ZNF438: variants seen among roughly 807,000 people sequenced by gnomAD.
ZNF438 encodes zinc finger protein 438.
In ZNF438, 25 loss-of-function variants were observed where a neutral mutation model predicts 38.0. That is an observed-to-expected ratio of 0.66 (90% CI 0.48 to 0.92). The LOEUF (loss-of-function observed/expected upper bound fraction) is 0.92. Ranked by LOEUF, ZNF438 falls within the 40% of genes least tolerant of loss-of-function variation. ZNF438 has a pLI of 0.00. For synonymous variants in ZNF438, 372 were observed against 364.1 expected, an observed-to-expected ratio of 1.02 and a Z score of -0.25; for missense variants, 1,007 against 999.6, an observed-to-expected ratio of 1.01 and a Z score of -0.10.
chr10:30,899,224 A>C (rs2041708625), intron 3 of ZNF438, among the ~76,000 whole-genome samples: 1 of 152,200 alleles, frequency 6.6e-6, no homozygotes, highest in African/African-American at 2.4e-5. Flanking sequence ...TGAATGGTAT[A>C]AACTTTAAAA....
At chr10:30,896,225 G>C (rs970392974) in intron 3 of ZNF438, among the ~76,000 whole-genome samples, 1 of 151,362 alleles carries the variant, frequency 6.6e-6, no homozygotes, top group African/African-American at 2.4e-5. Flanking sequence ...GAACCTGGGA[G>C]GCAGAGCTTG....
intron 1 of ZNF438, among the ~76,000 whole-genome samples, chr10:30,966,002 T>C (rs191937125): frequency 2.6e-5 from 4 of 151,738 alleles, no homozygotes; most frequent in Non-Finnish European, 4.4e-5. Flanking sequence ...GTAAAAAAAA[T>C]AGAATCTACA....
At chr10:30,928,321 T>C (rs1162149257) in intron 2 of ZNF438, among the ~76,000 whole-genome samples, 1 of 152,184 alleles carries the variant, frequency 6.6e-6, no homozygotes, top group African/African-American at 2.4e-5. Flanking sequence ...AATTAAAATC[T>C]GAAAAATATG....
intron 1 of ZNF438, among the ~76,000 whole-genome samples, chr10:30,966,070 C>T (rs879632577): frequency 2.6e-5 from 4 of 152,150 alleles, no homozygotes; most frequent in Non-Finnish European, 5.9e-5. Flanking sequence ...AAACCCACTG[C>T]CTAAAATTAC....
chr10:30,910,658 G>C (rs1367222352), intron 2 of ZNF438, among the ~76,000 whole-genome samples: 1 of 117,296 alleles, frequency 8.5e-6, no homozygotes, highest in East Asian at 2.7e-4. Flanking sequence ...CACTGCTTTA[G>C]ACGAATCTTT....
Position 30,948,241 on chromosome 10 carries a change from C to A in ZNF438, c.-191-6590G>T, listed in dbSNP as rs188117261. On this transcript the variant is annotated intron_variant, in intron 1 of 5. Transcript: ENST00000413025. ...ACAGAAAAGACATCCCCACCAAAAA[C>A]CCATCTGTACATCACCATCATCAAA... is the stretch of plus-strand genomic sequence containing the variant. Among the ~76,000 whole-genome samples the A allele has an allele frequency of 9.3e-3, 1,421 of 152,256 alleles. 20 individuals are homozygous for A. Among genetic ancestry groups the A allele is most frequent in the African/African-American group, 0.032 (1,318 of 41,542 alleles).
chr10:30,927,171 T>C (rs2045047790), intron 2 of ZNF438, among the ~76,000 whole-genome samples: 1 of 152,184 alleles, frequency 6.6e-6, no homozygotes, highest in Admixed American at 6.5e-5. Flanking sequence ...ACTCCAATGC[T>C]AGCACATGTT....
intron 1 of ZNF438, among the ~76,000 whole-genome samples, chr10:31,029,418 G>A (rs947004468): frequency 1.3e-5 from 2 of 152,166 alleles, no homozygotes; most frequent in African/African-American, 4.8e-5. Context: ...TCAGTAAACA[G>A]CACCACTATA....
chr10:30,926,234 G>T (rs75953821), intron 2 of ZNF438, among the ~76,000 whole-genome samples: 1 of 152,062 alleles, frequency 6.6e-6, no homozygotes, highest in Non-Finnish European at 1.5e-5. Flanking sequence ...GTCAAAACTC[G>T]CTGAACTCAA....
At chr10:31,000,665 A>T (rs1176906350) in intron 1 of ZNF438, among the ~76,000 whole-genome samples, 1 of 152,010 alleles carries the variant, frequency 6.6e-6, no homozygotes, top group African/African-American at 2.4e-5. Flanking sequence ...CAGCTATGAG[A>T]GGGCATATGG....
At chr10:30,983,246 T>C (rs751743370) in intron 1 of ZNF438, among the ~76,000 whole-genome samples, 3 of 152,226 alleles carry the variant, frequency 2.0e-5, no homozygotes, top group Non-Finnish European at 2.9e-5. Context: ...GTATCAGTCC[T>C]TTCTTGCGCT....
At chr10:30,933,662 C>T (rs546789167) in intron 2 of ZNF438, among the ~76,000 whole-genome samples, 1 of 152,214 alleles carries the variant, frequency 6.6e-6, no homozygotes, top group South Asian at 2.1e-4. Flanking sequence ...GCAGGCTATG[C>T]AGGCTACAGA....
intron 1 of ZNF438, among the ~76,000 whole-genome samples, chr10:31,011,226 G>A (rs1450231518): frequency 1.3e-5 from 2 of 152,188 alleles, no homozygotes; most frequent in Non-Finnish European, 2.9e-5. Flanking sequence ...GTTCAACGTG[G>A]GGCTTTTCCA....
chr10:30,851,216 T>C (rs1449501854), intron 4 of ZNF438, among the ~76,000 whole-genome samples: 1 of 152,230 alleles, frequency 6.6e-6, no homozygotes, highest in Non-Finnish European at 1.5e-5. Context: ...ATAGGAACAA[T>C]TTTGACTGAT....
At chr10:30,894,490 G>A (rs1298185898) in intron 3 of ZNF438, among the ~76,000 whole-genome samples, 1 of 152,146 alleles carries the variant, frequency 6.6e-6, no homozygotes, top group East Asian at 1.9e-4. Context: ...CACAGACTCT[G>A]GCAGGCTCAT....
chr10:30,866,833 CA>C (rs58445759), intron 4 of ZNF438, among the ~76,000 whole-genome samples: 10,000 of 138,624 alleles, frequency 0.072, 1,001 homozygotes, highest in African/African-American at 0.24. Flanking sequence ...GACTCTGTCT[CA>C]AAAAAAAAAA....
In ZNF438 at chr10:30,845,591, A is replaced by G; in HGVS notation, c.1875-18T>C. The stretch of plus-strand genomic sequence containing the variant: ...TGTTTTCCCTGAAAAGGCCAATAAT[A>G]ATGAAGATAAGATTTCATGGAAAAA... On this transcript the variant is annotated intron_variant, in intron 5 of 5. Transcript: ENST00000413025. 1 of 1,593,472 alleles carries G rather than the reference A, an allele frequency of 6.3e-7. No homozygotes were observed.
intron 2 of ZNF438, among the ~76,000 whole-genome samples, chr10:30,918,358 T>C (rs1038023391): frequency 6.6e-5 from 10 of 152,182 alleles, no homozygotes; most frequent in African/African-American, 2.4e-4. Context: ...AGATCAATTT[T>C]GAGGGAAATG....
chr10:30,991,275 C>T (rs1279792479), intron 1 of ZNF438, among the ~76,000 whole-genome samples: 4 of 152,238 alleles, frequency 2.6e-5, no homozygotes, highest in Non-Finnish European at 5.9e-5. Context: ...TTCATTTTCC[C>T]TAGCCCTCTA....
Sources: gnomAD v4.1 joint callset for allele counts (sites outside exome capture counted in the v4.1 genomes callset) on GRCh38, gnomAD v4.1.1 for gene constraint, MANE v1.5 for transcripts, NCBI Gene and HGNC (gene_info 2026-07-23, HGNC 2026-07-21) for gene names.